The following PIM2 variants were observed in gnomAD, a reference collection of about 807,000 sequenced individuals.
The protein encoded by PIM2 is Pim-2 proto-oncogene, serine/threonine kinase, also known as serine/threonine-protein kinase pim-2.
Under a neutral mutation model 18.0 loss-of-function variants are expected in PIM2, and 3 were observed. The observed-to-expected ratio is 0.17, with a 90% confidence interval of 0.08 to 0.43. PIM2 has a LOEUF of 0.43. Among genes scored for constraint, PIM2 ranks in the 20% least tolerant of loss-of-function variants. The probability of loss-of-function intolerance (pLI) is 0.99; values close to 1 mark genes in which losing one functional copy is unlikely to be tolerated. For missense variants in PIM2, 181 were observed against 260.8 expected (o/e 0.69, Z 2.11); for synonymous variants, 117 against 105.3 (o/e 1.11, Z -0.68).
rs1557045075 is a variant in PIM2 at position 48,915,055 on chromosome X, G to T, written c.560C>A (p.Ala187Asp). 1 of 1,208,432 alleles carries T rather than the reference G, an allele frequency of 8.3e-7. No individual in the cohort carries two copies. Among genetic ancestry groups the T allele is most frequent in the Non-Finnish European group, 1.1e-6 (1 of 892,801 alleles). ...CAKLIDFGSGALLHDEPYTDF... is the reference protein window; with the variant it reads ...CAKLIDFGSGDLLHDEPYTDF... ...AGTGTAGGGTTCATCATGAAGCAGG[G>T]CACCAGAACCAAAATCAATGAGTTT... is the stretch of plus-strand genomic sequence containing the variant. Residue 187 changes from alanine (A) to aspartate (D), a missense_variant, in exon 4 of 6, where the codon GCC becomes GAC. Around this residue, in one of 5 missense-constraint regions of PIM2, gnomAD observed 26 missense variants for 31.1 expected, o/e 0.84. Coordinates refer to ENST00000376509, the MANE Select transcript of PIM2 (RefSeq NM_006875.4).
chrX:48,918,614 C>T lies in PIM2; in HGVS notation c.93G>A (p.Glu31=), dbSNP rs782017459. Residue 31 remains glutamate (E), a synonymous_variant, in exon 2 of 6, where the codon GAG becomes GAA. Coordinates refer to ENST00000376509, the MANE Select transcript of PIM2 (RefSeq NM_006875.4). ...TACCCAGGAGGGGGCCGAGTCGATA[C>T]TCGGCCTCGAACGCTTCCCGATCCT... ...GGKDREAFEA[E]YRLGPLLGKG... is the part of the protein sequence containing the mutation. 2.5e-6 allele frequency: 3 copies of T among 1,203,438 alleles called. No homozygotes were observed. The highest frequency in any genetic ancestry group is 3.0e-5 in the East Asian group (1 of 33,495).
intron 3 of PIM2, among the ~76,000 whole-genome samples, chrX:48,916,393 C>T: frequency 8.9e-6 from 1 of 112,792 alleles, no homozygotes; most frequent in Non-Finnish European, 1.9e-5. Context: ...TCAGCATCAC[C>T]AAGCACCTAG....
At chrX:48,916,801 T>C (rs2147507596) in intron 3 of PIM2, among the ~76,000 whole-genome samples, 1 of 107,261 alleles carries the variant, frequency 9.3e-6, no homozygotes, top group African/African-American at 3.5e-5. Flanking sequence ...TGAGCTGAGA[T>C]CACGCCACTG....
At chrX:48,915,768 A>T (rs2063561488) in intron 3 of PIM2, 1 of 141,582 alleles carries the variant, frequency 7.1e-6, no homozygotes, top group African/African-American at 3.2e-5. Context: ...CAAACACAAA[A>T]ATTAGCCAGG....
intron 2 of PIM2, among the ~76,000 whole-genome samples, chrX:48,918,298 G>GCCCCCCCCCCCCCCC (rs11361543): frequency 3.6e-4 from 9 of 24,998 alleles, no homozygotes; most frequent in African/African-American, 8.7e-4. Flanking sequence ...GAAGCCCCCT[G>GCCCCCCCCCCCCCCC]CCCCCCCCCC....
At position 48,914,402 on chromosome X, in the gene PIM2, G is replaced by C. The variant is rs782650837; in HGVS notation, c.765C>G (p.Val255=). 8.3e-7 allele frequency: 1 copy of C among 1,211,127 alleles called. No individual in the cohort carries two copies. The highest frequency in any genetic ancestry group is 1.1e-6 in the Non-Finnish European group (1 of 895,238). The stretch of plus-strand genomic sequence containing the variant: ...GGGTCAGTGAGGCCTCACCTGGGGA[G>C]ACATGGGCTGGGAAGTGGAGCTCAG... ...LEAELHFPAH[V]SPDCCALIRR... The change falls in exon 5 of 6, where the codon GTC becomes GTG. Residue 255 remains valine, a synonymous_variant. Coordinates refer to ENST00000376509, the MANE Select transcript of PIM2 (RefSeq NM_006875.4).
In PIM2 at chrX:48,914,797, C is replaced by CAGGATCCCCTCACCAGAAT. The variant is rs2063558507; in HGVS notation, c.595+204_595+222dup. On this transcript the variant is annotated intron_variant, in intron 4 of 5. Coordinates refer to ENST00000376509, the MANE Select transcript of PIM2 (RefSeq NM_006875.4). Reference sequence around the variant, plus strand: ...AGAGAAAGAATACTCAGGATGGTAACAGGATCCCCTCACCAGAATAGGAGC... The same window carrying CAGGATCCCCTCACCAGAAT: ...AGAGAAAGAATACTCAGGATGGTAACAGGATCCCCTCACCAGAATAGGATCCCCTCACCAGAATAGGAGC... The CAGGATCCCCTCACCAGAAT allele has an allele frequency of 6.5e-6, 3 of 460,078 alleles. No homozygotes were observed. In the East Asian group the frequency reaches 1.1e-4, roughly 17 times the overall value. The allele number at this position is 460,078 out of a possible 1,213,427, so 37.9% of individuals were successfully genotyped here.
intron 2 of PIM2, among the ~76,000 whole-genome samples, chrX:48,918,298 G>GCCCCCCCCCCCCCCCCCCCCCC (rs11361543): frequency 8.0e-5 from 2 of 25,007 alleles, no homozygotes; most frequent in African/African-American, 2.2e-4. Flanking sequence ...GAAGCCCCCT[G>GCCCCCCCCCCCCCCCCCCCCCC]CCCCCCCCCC....
Position 48,914,312 on chromosome X carries a change from G to C in PIM2, c.773-18C>G. The C allele has an allele frequency of 8.3e-7, 1 of 1,210,929 alleles. No individual in the cohort carries two copies. The highest frequency in any genetic ancestry group is 1.1e-6 in the Non-Finnish European group (1 of 895,062). ...ACAGCAGTCTGTAGGCCAAGAAGCA[G>C]AGAGGGAAGATTAGCAGTCAGTAGG... On this transcript the variant is annotated intron_variant, in intron 5 of 5. Transcript: ENST00000376509.
In PIM2 at chrX:48,914,535, C is replaced by A; in HGVS notation, c.632G>T (p.Arg211Leu). 1 of 1,209,664 alleles carries A rather than the reference C, an allele frequency of 8.3e-7. No homozygotes were observed. The highest frequency in any genetic ancestry group is 1.1e-6 in the Non-Finnish European group (1 of 894,811). Residue 211 changes from arginine (R) to leucine (L), a missense_variant, in exon 5 of 6, where the codon CGA becomes CTA. By Grantham distance (102) the Arg-to-Leu change is moderately radical (BLOSUM62 -2). Transcript: ENST00000376509. ...GGCCGGGAGTGCATGGTACTGGTGT[C>A]GAGAGATCCACTCTGGGGGGCTGTA... ...RVYSPPEWIS[R>L]HQYHALPATV...
Position 48,914,196 on chromosome X carries a change from C to T in PIM2, c.871G>A (p.Glu291Lys), listed in dbSNP as rs782705342. ...LLDPWMQTPAEDVPLNPSKGG... is the reference protein window; with the variant it reads ...LLDPWMQTPAKDVPLNPSKGG... Reference sequence around the variant, plus strand: ...TTGGAGGGGTTGAGGGGTACATCCTCGGCTGGTGTTTGCATCCAGGGGTCC... The same window carrying T: ...TTGGAGGGGTTGAGGGGTACATCCTTGGCTGGTGTTTGCATCCAGGGGTCC... The change falls in exon 6 of 6, where the codon GAG (glutamate) becomes AAG (lysine). Residue 291 changes from glutamate to lysine, a missense_variant. By Grantham distance (56) the Glu-to-Lys change is moderately conservative. Transcript: ENST00000376509. 1.4e-5 allele frequency: 17 copies of T among 1,179,558 alleles called. No individual in the cohort carries two copies. Among genetic ancestry groups the T allele is most frequent in the South Asian group, 1.9e-5 (1 of 53,507 alleles).
chrX:48,918,906 C>G lies in PIM2; in HGVS notation c.-72G>C, dbSNP rs112111422. ...CAGGGCGTGGACGCCCGGGGCAGCG[C>G]AGCTGGGGAGCCAGGGCTGGGGGGC... On this transcript the variant is annotated 5_prime_UTR_variant, in exon 1 of 6. Transcript: ENST00000376509. 1 of 952,562 alleles carries G rather than the reference C, an allele frequency of 1.0e-6. No homozygotes were observed. The highest frequency in any genetic ancestry group is 2.0e-5 in the African/African-American group (1 of 50,511). The allele number at this position is 952,562 out of a possible 1,213,427, so 78.5% of individuals were successfully genotyped here. A position where few individuals can be genotyped will look rare whatever the true frequency, so the allele number is the denominator to read the frequency against.
chrX:48,915,718 T>C, intron 3 of PIM2: 1 of 190,126 alleles, frequency 5.3e-6, no homozygotes, highest in Non-Finnish European at 9.7e-6. Context: ...GGTGGATTGC[T>C]TGAGCCCAAG....
rs1190607750 is a variant in PIM2, at chrX:48,913,386, C to T, written c.*745G>A. 2 of 108,684 alleles carry T rather than the reference C, an allele frequency of 1.8e-5. No individual in the cohort carries two copies. Among genetic ancestry groups the T allele is most frequent in the Non-Finnish European group, 3.8e-5 (2 of 52,281 alleles). 9.0% of individuals were successfully genotyped at this position (108,684 alleles called of 1,213,427 possible). A position where few individuals can be genotyped will look rare whatever the true frequency, so the allele number is the denominator to read the frequency against. On this transcript the variant is annotated 3_prime_UTR_variant, in exon 6 of 6. Transcript: ENST00000376509. The stretch of plus-strand genomic sequence containing the variant: ...GGAGGGAGCGCCCCAGGAGAACAAA[C>T]AGCAAGCCTTATTTCCCCTAGCCCA...
chrX:48,917,724 A>T (rs2063567078), intron 3 of PIM2, 57 bp downstream of exon 3: 1 of 946,603 alleles, frequency 1.1e-6, no homozygotes. Flanking sequence ...AAAAGCAAGG[A>T]GGTGAATACA....
chrX:48,917,169 T>C (rs2063565254), intron 3 of PIM2, among the ~76,000 whole-genome samples: 1 of 105,508 alleles, frequency 9.5e-6, no homozygotes, highest in Admixed American at 1.0e-4. Flanking sequence ...AAAAAAAAAG[T>C]ATAAACGCTG....
At chrX:48,914,326 G>A (rs782142987) in intron 5 of PIM2, 32 bp from the exon 6 acceptor site, 1 of 1,210,659 alleles carries the variant, frequency 8.3e-7, no homozygotes, top group Non-Finnish European at 1.1e-6. Flanking sequence ...GGGAAGATTA[G>A]CAGTCAGTAG....
intron 2 of PIM2, 25 bp downstream of exon 2, chrX:48,918,511 C>T (rs1166923831): frequency 9.5e-5 from 106 of 1,116,055 alleles, no homozygotes; most frequent in Non-Finnish European, 1.3e-4. Context: ...GCACCTGACC[C>T]TCCCAAGACC....
chrX:48,914,213 C>G lies in PIM2; in HGVS notation c.854G>C (p.Trp285Ser). 8.4e-7 allele frequency: 1 copy of G among 1,194,592 alleles called. No individual in the cohort carries two copies. Among genetic ancestry groups the G allele is most frequent in the Non-Finnish European group, 1.1e-6 (1 of 887,371 alleles). ...PSLEEILLDP[W>S]MQTPAEDVPL... ...TACATCCTCGGCTGGTGTTTGCATC[C>G]AGGGGTCCAGCAGGATCTCTTCCAG... is the stretch of plus-strand genomic sequence containing the variant. The change falls in exon 6 of 6, where the codon TGG (tryptophan) becomes TCG (serine). Residue 285 changes from tryptophan to serine, a missense_variant. Physicochemically the swap from Trp to Ser is radical, Grantham distance 177. This residue lies in a region of PIM2 where 41 missense variants were observed against 52.0 expected (regional missense o/e 0.79). Transcript: ENST00000376509.
Sources: gnomAD v4.1 joint callset for allele counts (sites outside exome capture counted in the v4.1 genomes callset) on GRCh38, gnomAD v4.1.1 for gene constraint, gnomAD v4.1.1 regional missense constraint, MANE v1.5 for transcripts, NCBI Gene and HGNC (gene_info 2026-07-23, HGNC 2026-07-21) for gene names.